Variants in ADRA1B observed in about 807,000 individuals in gnomAD.
The protein encoded by ADRA1B is adrenoceptor alpha 1B.
A neutral mutation model predicts 17.9 loss-of-function variants in ADRA1B; 17 were observed. The ratio of observed to expected loss-of-function variants is 0.95; its 90% CI spans 0.65 to 1.42. The LOEUF is 1.42. Ranked by LOEUF, ADRA1B falls within the 40% of genes most tolerant of loss-of-function variation. The pLI is 0.00. For synonymous variants in ADRA1B, 366 were observed against 327.6 expected (o/e 1.12, Z -1.27); for missense variants, 681 against 722.1 (o/e 0.94, Z 0.65).
intron 1 of ADRA1B, among the ~76,000 whole-genome samples, chr5:159,908,085 T>TC (rs1754182302): frequency 6.6e-6 from 1 of 152,096 alleles, no homozygotes; most frequent in African/African-American, 2.4e-5. Flanking sequence ...GGCAGGATCC[T>TC]GACATAAACT....
At chr5:159,947,619 G>C (rs1488700818) in intron 1 of ADRA1B, 1 of 763,168 alleles carries the variant, frequency 1.3e-6, no homozygotes, top group African/African-American at 1.9e-5. Flanking sequence ...CAATACACTG[G>C]CTTTCAAATT....
At chr5:159,886,829 T>A (rs1210143159) in intron 1 of ADRA1B, among the ~76,000 whole-genome samples, 1 of 152,130 alleles carries the variant, frequency 6.6e-6, no homozygotes, top group Non-Finnish European at 1.5e-5. Context: ...AAGAGAGTAA[T>A]GGAACTTTCC....
At chr5:159,931,865 C>T (rs1045783022) in intron 1 of ADRA1B, among the ~76,000 whole-genome samples, 1 of 152,214 alleles carries the variant, frequency 6.6e-6, no homozygotes, top group Admixed American at 6.5e-5. Flanking sequence ...GCCCTGGTGA[C>T]CTACTTGCCT....
At chr5:159,957,461 T>C (rs1364498845) in intron 1 of ADRA1B, among the ~76,000 whole-genome samples, 1 of 147,436 alleles carries the variant, frequency 6.8e-6, no homozygotes, top group East Asian at 2.0e-4. Context: ...GCTGAGATCA[T>C]GCAACTGCGC....
At chr5:159,894,489 G>A (rs1754021383) in intron 1 of ADRA1B, among the ~76,000 whole-genome samples, 1 of 152,146 alleles carries the variant, frequency 6.6e-6, no homozygotes, top group African/African-American at 2.4e-5. Flanking sequence ...CACTTGGAGG[G>A]ATAAATTAAG....
intron 1 of ADRA1B, among the ~76,000 whole-genome samples, chr5:159,945,880 T>A (rs1755257974): frequency 6.6e-6 from 1 of 152,046 alleles, no homozygotes; most frequent in African/African-American, 2.4e-5. Context: ...CCCAAGTAGC[T>A]GGGACTACAG....
At chr5:159,956,249 A>G (rs1157646368) in intron 1 of ADRA1B, among the ~76,000 whole-genome samples, 2 of 152,360 alleles carry the variant, frequency 1.3e-5, no homozygotes, top group Non-Finnish European at 2.9e-5. Context: ...CAAAGTAAAC[A>G]AACAACAAAA....
At chr5:159,955,228 A>G in intron 1 of ADRA1B, 2 of 984,272 alleles carry the variant, frequency 2.0e-6, no homozygotes, top group Non-Finnish European at 2.4e-6. Context: ...TGCGGGTGTC[A>G]AGGAAGGTAT....
chr5:159,959,399 T>G (rs968542797), intron 1 of ADRA1B, among the ~76,000 whole-genome samples: 16 of 152,240 alleles, frequency 1.1e-4, no homozygotes, highest in African/African-American at 3.9e-4. Flanking sequence ...ACAAGTATTT[T>G]TACACATTCA....
At chr5:159,905,656 A>G (rs1212290657) in intron 1 of ADRA1B, among the ~76,000 whole-genome samples, 1 of 152,212 alleles carries the variant, frequency 6.6e-6, no homozygotes, top group African/African-American at 2.4e-5. Context: ...TCAAAGAGTC[A>G]TATGCAGAAG....
At chr5:159,950,433 C>T in intron 1 of ADRA1B, 1 of 841,688 alleles carries the variant, frequency 1.2e-6, no homozygotes, top group Non-Finnish European at 2.0e-6. Flanking sequence ...AGGGACTCCC[C>T]ATCAGTGAGG....
At position 159,971,218 on chromosome 5, in the gene ADRA1B, T is replaced by C. The variant is rs928293533; in HGVS notation, c.950-661T>C. ...TACTTTCCATTGCCCATGTTTCTAC[T>C]GGGAACACTTTTTCTTGCTGATTTG... On this transcript the variant is annotated intron_variant, in intron 1 of 1. Coordinates refer to ENST00000306675, the MANE Select transcript of ADRA1B (RefSeq NM_000679.4). Among the ~76,000 whole-genome samples the C allele has an allele frequency of 4.6e-5, 7 of 152,370 alleles. No individual in the cohort carries two copies. The East Asian group carries it at 7.7e-4, about 17-fold the overall frequency.
chr5:159,979,711 T>C, the ADRA1B span, among the ~76,000 whole-genome samples: 4 of 151,848 alleles, frequency 2.6e-5, no homozygotes, highest in East Asian at 5.8e-4. Context: ...CTACTAAAAA[T>C]ACAAAAATCA....
chr5:159,879,587 C>T (rs566425296), intron 1 of ADRA1B, among the ~76,000 whole-genome samples: 327 of 152,240 alleles, frequency 2.1e-3, no homozygotes, highest in Non-Finnish European at 3.2e-3. Flanking sequence ...GAGTGAAAGT[C>T]TGTGCATATC....
At chr5:159,971,169 T>C in intron 1 of ADRA1B, among the ~76,000 whole-genome samples, 1 of 152,198 alleles carries the variant, frequency 6.6e-6, no homozygotes, top group East Asian at 1.9e-4. Flanking sequence ...AGCCCTTGCG[T>C]TTCCTATTTT....
intron 1 of ADRA1B, among the ~76,000 whole-genome samples, chr5:159,906,422 G>A (rs1477343625): frequency 2.0e-5 from 3 of 152,184 alleles, no homozygotes; most frequent in African/African-American, 7.2e-5. Context: ...TAAAAGTGGG[G>A]ATGTTGGACC....
intron 1 of ADRA1B, among the ~76,000 whole-genome samples, chr5:159,942,868 G>T (rs1755173471): frequency 6.6e-6 from 1 of 152,138 alleles, no homozygotes. Flanking sequence ...AAAAAAAATT[G>T]TTCTTAATTT....
intron 1 of ADRA1B, among the ~76,000 whole-genome samples, chr5:159,891,012 TGCC>T (rs1753977724): frequency 2.6e-5 from 4 of 152,214 alleles, no homozygotes; most frequent in African/African-American, 9.6e-5. Context: ...ATGCTGCACC[TGCC>T]ATTCTAACTA....
intron 1 of ADRA1B, among the ~76,000 whole-genome samples, chr5:159,959,776 T>C (rs1471616332): frequency 6.7e-6 from 1 of 149,990 alleles, no homozygotes; most frequent in African/African-American, 2.5e-5. Context: ...AGAAGCAAAA[T>C]AATATTAATT....
Sources: allele counts gnomAD v4.1 joint callset (sites outside exome capture counted in the v4.1 genomes callset), GRCh38; gene constraint gnomAD v4.1.1; transcripts MANE v1.5; gene names NCBI Gene and HGNC (gene_info 2026-07-23, HGNC 2026-07-21).